The following NTM variants were observed in gnomAD, a reference collection of about 807,000 sequenced individuals.
The protein encoded by NTM is neurotrimin.
A neutral mutation model predicts 42.1 loss-of-function variants in NTM; 13 were observed. That is an observed-to-expected ratio of 0.31 (90% CI 0.20 to 0.49). NTM has a LOEUF of 0.49. Ranked by LOEUF, NTM falls within the 20% of genes least tolerant of loss-of-function variation. NTM has a pLI of 0.99. For missense variants in NTM, 373 were observed against 452.8 expected, an observed-to-expected ratio of 0.82 and a Z score of 1.60; for synonymous variants, 187 against 179.2, an observed-to-expected ratio of 1.04 and a Z score of -0.35.
intron 1 of NTM, among the ~76,000 whole-genome samples, chr11:131,679,089 C>T (rs113705721): frequency 4.6e-5 from 7 of 152,288 alleles, no homozygotes; most frequent in African/African-American, 1.7e-4. Flanking sequence ...ATGCTCTGTG[C>T]CCACTCAGGG....
chr11:131,719,680 G>A (rs2078110231), intron 1 of NTM, among the ~76,000 whole-genome samples: 1 of 152,144 alleles, frequency 6.6e-6, no homozygotes, highest in Non-Finnish European at 1.5e-5. Flanking sequence ...GCTAAGTGTG[G>A]AGGCATTTAT....
At chr11:131,878,319 C>T (rs931076020) in intron 1 of NTM, among the ~76,000 whole-genome samples, 3 of 151,644 alleles carry the variant, frequency 2.0e-5, no homozygotes, top group African/African-American at 7.3e-5. Flanking sequence ...GCCTGTAATC[C>T]CAGCACTTTG....
intron 1 of NTM, chr11:131,897,113 G>A (rs1484278066): frequency 6.6e-6 from 1 of 152,198 alleles, no homozygotes; most frequent in Non-Finnish European, 1.5e-5. Context: ...ACACTAAACG[G>A]CAGCAGTACC....
In NTM at chr11:132,335,924, T is replaced by G. The variant is rs2136534429; in HGVS notation, c.*778T>G. On this transcript the variant is annotated 3_prime_UTR_variant, in exon 9 of 9. Coordinates refer to ENST00000683400, the MANE Select transcript of NTM (RefSeq NM_001352005.2). Reference sequence around the variant, plus strand: ...TAAACAGTAAAAATGAATAGTATACTTCTTAACTAGGTTTACAACTGGTGG... The same window carrying G: ...TAAACAGTAAAAATGAATAGTATACGTCTTAACTAGGTTTACAACTGGTGG... The G allele has an allele frequency of 6.6e-6, 1 of 152,630 alleles. No homozygotes were observed. Among genetic ancestry groups the G allele is most frequent in the Non-Finnish European group, 1.5e-5 (1 of 68,020 alleles). 9.5% of individuals were successfully genotyped at this position (152,630 alleles called of 1,614,324 possible).
intron 1 of NTM, among the ~76,000 whole-genome samples, chr11:131,820,542 A>AT (rs1308187973): frequency 6.6e-6 from 1 of 152,170 alleles, no homozygotes; most frequent in African/African-American, 2.4e-5. Context: ...ACCTAGATTA[A>AT]TTTTTTTAAA....
rs1592747034 is a variant in NTM, at chr11:131,909,009, C to A, written c.83-2555C>A. The stretch of plus-strand genomic sequence containing the variant: ...AATGATCCCCAGTGGCCAAAAGTAG[C>A]AGATGAGTTTCCCTGAGAATTTAAT... On this transcript the variant is annotated intron_variant, in intron 1 of 8. Coordinates refer to ENST00000683400, the MANE Select transcript of NTM (RefSeq NM_001352005.2). Among the ~76,000 whole-genome samples, 3 of 152,330 alleles carry A rather than the reference C, an allele frequency of 2.0e-5. No homozygotes were observed. The South Asian group carries it at 6.2e-4, about 32-fold the overall frequency.
chr11:132,088,159 T>C (rs767839189), intron 2 of NTM, among the ~76,000 whole-genome samples: 20 of 152,140 alleles, frequency 1.3e-4, no homozygotes, highest in Non-Finnish European at 2.6e-4. Flanking sequence ...ATAAATGCTG[T>C]TACAGTACCA....
intron 1 of NTM, among the ~76,000 whole-genome samples, chr11:131,420,443 G>A (rs1209423743): frequency 1.3e-5 from 2 of 152,180 alleles, no homozygotes; most frequent in African/African-American, 4.8e-5. Flanking sequence ...TTTGGTCCTC[G>A]GCATTTCAGA....
chr11:131,450,326 G>A (rs1488847760), intron 1 of NTM, among the ~76,000 whole-genome samples: 1 of 152,184 alleles, frequency 6.6e-6, no homozygotes, highest in Non-Finnish European at 1.5e-5. Context: ...AACCCGAAGT[G>A]GCTCGTGGCT....
intron 2 of NTM, among the ~76,000 whole-genome samples, chr11:132,076,412 A>C (rs2058372014): frequency 6.6e-6 from 1 of 152,210 alleles, no homozygotes; most frequent in Non-Finnish European, 1.5e-5. Flanking sequence ...GAAAGAAAGC[A>C]AAATCAACAT....
At chr11:131,967,893 G>T (rs1484608077) in intron 2 of NTM, among the ~76,000 whole-genome samples, 1 of 152,180 alleles carries the variant, frequency 6.6e-6, no homozygotes, top group Admixed American at 6.5e-5. Flanking sequence ...TTCAGAATCT[G>T]AGAGGGAATT....
chr11:132,011,944 T>C (rs946199392), intron 2 of NTM, among the ~76,000 whole-genome samples: 3 of 152,252 alleles, frequency 2.0e-5, no homozygotes, highest in Non-Finnish European at 2.9e-5. Flanking sequence ...TATTGCAAAT[T>C]CTCACAGCAC....
intron 7 of NTM, among the ~76,000 whole-genome samples, chr11:132,329,896 TCTGA>T (rs2095764133): frequency 6.6e-6 from 1 of 152,230 alleles, no homozygotes; most frequent in Non-Finnish European, 1.5e-5. Context: ...TGTGGTCCAA[TCTGA>T]CTGTCGTTCA....
intron 1 of NTM, among the ~76,000 whole-genome samples, chr11:131,566,023 G>A (rs1280609315): frequency 6.6e-6 from 1 of 152,178 alleles, no homozygotes; most frequent in Non-Finnish European, 1.5e-5. Flanking sequence ...GAAGTGGTTA[G>A]GAATGAAAAT....
chr11:132,111,639 T>C (rs928945318), intron 2 of NTM, among the ~76,000 whole-genome samples: 3 of 152,178 alleles, frequency 2.0e-5, no homozygotes, highest in Admixed American at 1.3e-4. Flanking sequence ...TTTAGGAAGA[T>C]CAGTGAAAGT....
At chr11:131,911,086 C>T in intron 1 of NTM, 1 of 1,131,912 alleles carries the variant, frequency 8.8e-7, no homozygotes, top group Non-Finnish European at 1.1e-6. Context: ...CCACCCCGTC[C>T]CCTTCTGGTA....
intron 1 of NTM, among the ~76,000 whole-genome samples, chr11:131,743,899 T>C (rs2081483071): frequency 6.6e-6 from 1 of 152,252 alleles, no homozygotes; most frequent in South Asian, 2.1e-4. Context: ...TTCTGGAACC[T>C]GGACCAAATG....
chr11:132,282,903 A>G (rs1416234227), intron 4 of NTM, among the ~76,000 whole-genome samples: 2 of 151,396 alleles, frequency 1.3e-5, no homozygotes, highest in African/African-American at 4.8e-5. Flanking sequence ...GATACAGGTT[A>G]AACAACTTTA....
chr11:131,530,229 T>C (rs2051058314), intron 1 of NTM, among the ~76,000 whole-genome samples: 1 of 152,156 alleles, frequency 6.6e-6, no homozygotes, highest in Non-Finnish European at 1.5e-5. Context: ...ATTTAATAAA[T>C]ACTTGCTGAG....
Sources: gnomAD v4.1 joint callset for allele counts (sites outside exome capture counted in the v4.1 genomes callset) on GRCh38, gnomAD v4.1.1 for gene constraint, MANE v1.5 for transcripts, NCBI Gene and HGNC (gene_info 2026-07-23, HGNC 2026-07-21) for gene names.